Variants in BCL2L1 observed in about 807,000 individuals in gnomAD.
BCL2L1 encodes BCL2 like 1.
In BCL2L1, 1 loss-of-function variant was observed where a neutral mutation model predicts 18.7. The observed-to-expected ratio is 0.05, with a 90% CI of 0.02 to 0.25. The LOEUF is 0.25. Ranked by LOEUF, BCL2L1 falls within the 10% of genes least tolerant of loss-of-function variation. The pLI is 1.00. For missense variants in BCL2L1, 207 were observed against 304.9 expected, an observed-to-expected ratio of 0.68 and a Z score of 2.39; for synonymous variants, 103 against 122.7, an observed-to-expected ratio of 0.84 and a Z score of 1.06.
At chr20:31,696,925 G>A (rs1352689041) in intron 2 of BCL2L1, among the ~76,000 whole-genome samples, 1 of 151,800 alleles carries the variant, frequency 6.6e-6, no homozygotes, top group Non-Finnish European at 1.5e-5. Context: ...GCATGGTGGT[G>A]GGTGACTGTA....
upstream of BCL2L1, chr20:31,723,443 G>A (rs2061668544): frequency 1.0e-6 from 1 of 985,332 alleles, no homozygotes; most frequent in Admixed American, 6.1e-5. Context: ...TGGCGCCCCC[G>A]GGAGGGCTCC....
At chr20:31,703,133 C>T (rs2061310145) in intron 2 of BCL2L1, among the ~76,000 whole-genome samples, 1 of 151,792 alleles carries the variant, frequency 6.6e-6, no homozygotes, top group African/African-American at 2.4e-5. Context: ...CAACCTCCAC[C>T]TCCTGGGTTC....
At chr20:31,704,198 G>A (rs1046642710) in intron 2 of BCL2L1, among the ~76,000 whole-genome samples, 3 of 150,736 alleles carry the variant, frequency 2.0e-5, no homozygotes, top group African/African-American at 7.3e-5. Context: ...ATGCCTCCCA[G>A]GTTCAAGCGA....
intron 2 of BCL2L1, among the ~76,000 whole-genome samples, chr20:31,672,228 G>A (rs970794268): frequency 6.6e-6 from 1 of 152,048 alleles, no homozygotes; most frequent in African/African-American, 2.4e-5. Context: ...ACTTTGGGAG[G>A]CCGAGGCAGG....
At chr20:31,713,191 C>G (rs2061479089) in intron 2 of BCL2L1, 6 of 894,276 alleles carry the variant, frequency 6.7e-6, no homozygotes, top group Non-Finnish European at 8.0e-6. Context: ...AAGGAGAGAA[C>G]CCAGGAATTC....
intron 2 of BCL2L1, among the ~76,000 whole-genome samples, chr20:31,696,778 G>A (rs551704547): frequency 6.6e-6 from 1 of 152,056 alleles, no homozygotes. Context: ...CTAGTCGGCC[G>A]GGTGTGGTGG....
Position 31,669,318 on chromosome 20 carries a change from C to T in BCL2L1, c.565-3232G>A, listed in dbSNP as rs184384394. ...CAAGGGATCCTTCTGCCTCAGCCTCCCAAGTGCTGAGATTACAGGCGTGAG... is the reference window on the plus strand; with the variant it reads ...CAAGGGATCCTTCTGCCTCAGCCTCTCAAGTGCTGAGATTACAGGCGTGAG... On this transcript the variant is annotated intron_variant, in intron 2 of 2. Coordinates refer to ENST00000307677, the MANE Select transcript of BCL2L1 (RefSeq NM_138578.3). 2.8e-4 allele frequency among the ~76,000 whole-genome samples: 43 copies of T among 151,926 alleles called. 1 individual carries two copies. The East Asian group carries it at 6.0e-3, about 21-fold the overall frequency.
intron 2 of BCL2L1, among the ~76,000 whole-genome samples, chr20:31,709,840 CAAAAAAAAAAA>C (rs56937786): frequency 7.5e-4 from 48 of 64,062 alleles, no homozygotes; most frequent in African/African-American, 1.8e-3. Context: ...GACTCCATCT[CAAAAAAAAAAA>C]AAAAAAAAAA....
At chr20:31,685,942 G>C (rs2060949053) in intron 2 of BCL2L1, among the ~76,000 whole-genome samples, 1 of 152,086 alleles carries the variant, frequency 6.6e-6, no homozygotes, top group African/African-American at 2.4e-5. Context: ...GAGGCCTTTG[G>C]CATTATTATT....
intron 2 of BCL2L1, among the ~76,000 whole-genome samples, chr20:31,705,572 G>T (rs989072912): frequency 6.6e-6 from 1 of 152,136 alleles, no homozygotes; most frequent in African/African-American, 2.4e-5. Flanking sequence ...CTTTATAAAG[G>T]GAGCTATGGT....
At chr20:31,695,901 C>G (rs182812852) in intron 2 of BCL2L1, among the ~76,000 whole-genome samples, 5 of 152,288 alleles carry the variant, frequency 3.3e-5, no homozygotes, top group Admixed American at 3.3e-4. Flanking sequence ...TCCCTAATCC[C>G]TTTTCTCTGC....
At chr20:31,707,230 G>A (rs145826500) in intron 2 of BCL2L1, among the ~76,000 whole-genome samples, 4 of 152,254 alleles carry the variant, frequency 2.6e-5, no homozygotes, top group Middle Eastern at 6.8e-3. Context: ...GTGAGCCAAG[G>A]CCCCAAGCTT....
chr20:31,723,112 G>C (rs900865014), upstream of BCL2L1: 2 of 182,218 alleles, frequency 1.1e-5, no homozygotes, highest in African/African-American at 4.8e-5. Context: ...GAGGGACGCA[G>C]GGAGGGGGAA....
At chr20:31,666,752 CAGGCCTCCATCACGGGGTCTGTG>C (rs1166192799) in intron 2 of BCL2L1, among the ~76,000 whole-genome samples, 1 of 152,078 alleles carries the variant, frequency 6.6e-6, no homozygotes, top group Non-Finnish European at 1.5e-5. Context: ...GCAGGACTGA[CAGGCCTCCATCACGGGGTCTGTG>C]AGGCCTTGTC....
At chr20:31,690,297 T>C (rs1035307167) in intron 2 of BCL2L1, among the ~76,000 whole-genome samples, 1 of 152,022 alleles carries the variant, frequency 6.6e-6, no homozygotes, top group African/African-American at 2.4e-5. Context: ...CACTATGTTG[T>C]CCAGGCTGGT....
rs377611516 is a variant in BCL2L1 at position 31,698,324 on chromosome 20, C to A, written c.564+23331G>T. Among the ~76,000 whole-genome samples the A allele has an allele frequency of 2.6e-4, 40 of 152,238 alleles. No homozygotes were observed. In the East Asian group the frequency reaches 6.9e-3, roughly 26 times the overall value. On this transcript the variant is annotated intron_variant, in intron 2 of 2. Coordinates refer to ENST00000307677, the MANE Select transcript of BCL2L1 (RefSeq NM_138578.3). Reference sequence around the variant, plus strand: ...GAGATGTGTTCATAGCTCACTGCAGCCATGAACTCCCAGGCTCAAGTGATC... The same window carrying A: ...GAGATGTGTTCATAGCTCACTGCAGACATGAACTCCCAGGCTCAAGTGATC...
chr20:31,708,397 C>A (rs186523114), intron 2 of BCL2L1, among the ~76,000 whole-genome samples: 28 of 152,340 alleles, frequency 1.8e-4, no homozygotes, highest in Non-Finnish European at 1.5e-5. Flanking sequence ...GCCAAGGTAC[C>A]TTTTGGACCC....
intron 2 of BCL2L1, chr20:31,720,760 T>C (rs2061610569): frequency 1.0e-6 from 1 of 985,242 alleles, no homozygotes; most frequent in African/African-American, 1.7e-5. Flanking sequence ...ATGACAGAAC[T>C]GGAACTTATA....
At chr20:31,679,949 G>A (rs2060830578) in intron 2 of BCL2L1, among the ~76,000 whole-genome samples, 1 of 152,164 alleles carries the variant, frequency 6.6e-6, no homozygotes, top group Admixed American at 6.5e-5. Context: ...CCAAAGTGCT[G>A]GGATTATAGG....
Sources: gnomAD v4.1 joint callset for allele counts (sites outside exome capture counted in the v4.1 genomes callset) on GRCh38, gnomAD v4.1.1 for gene constraint, MANE v1.5 for transcripts, NCBI Gene and HGNC (gene_info 2026-07-23, HGNC 2026-07-21) for gene names.